The following ZNF69 variants were observed in gnomAD, a reference collection of about 807,000 sequenced individuals.
The protein encoded by ZNF69 is zinc finger protein 69.
A neutral mutation model predicts 50.9 loss-of-function variants in ZNF69; 47 were observed. That is an observed-to-expected ratio of 0.92 (90% CI 0.73 to 1.18). The LOEUF (loss-of-function observed/expected upper bound fraction) is 1.18. Ranked by LOEUF, ZNF69 falls within the 50% of genes most tolerant of loss-of-function variation. The pLI is 0.00. For missense variants in ZNF69, 717 were observed against 675.1 expected, an observed-to-expected ratio of 1.06 and a Z score of -0.69; for synonymous variants, 216 against 223.1, an observed-to-expected ratio of 0.97 and a Z score of 0.29.
chr19:11,974,005 G>A, the ZNF69 span, among the ~76,000 whole-genome samples: 1 of 151,910 alleles, frequency 6.6e-6, no homozygotes, highest in African/African-American at 2.4e-5. Context: ...TTGGGATTTA[G>A]GCTACCCCAC....
chr19:11,974,114 TTTCTTTCTTTCTTTTC>T, the ZNF69 span, among the ~76,000 whole-genome samples: 240 of 84,976 alleles, frequency 2.8e-3, 1 homozygote, highest in Non-Finnish European at 3.3e-3. Flanking sequence ...TCTTTCTTTC[TTTCTTTCTTTCTTTTC>T]TTTCTTTCTT....
the ZNF69 span, chr19:11,925,321 G>A: frequency 3.1e-6 from 5 of 1,602,432 alleles, no homozygotes; most frequent in South Asian, 1.1e-5. Context: ...GGGCTGCCTG[G>A]AACAGGCGGG....
At chr19:11,933,239 A>G in the ZNF69 span, among the ~76,000 whole-genome samples, 1 of 145,516 alleles carries the variant, frequency 6.9e-6, no homozygotes, top group Non-Finnish European at 1.5e-5. Flanking sequence ...GCAACATAGC[A>G]AGGCCCTGTT....
At chr19:11,919,050 C>T (rs1972544941), downstream of ZNF69, among the ~76,000 whole-genome samples, 1 of 152,016 alleles carries the variant, frequency 6.6e-6, no homozygotes, top group South Asian at 2.1e-4. Flanking sequence ...CGCCCGCCAC[C>T]ACGCCCGGCT....
At chr19:11,958,789 G>A in the ZNF69 span, among the ~76,000 whole-genome samples, 3 of 152,216 alleles carry the variant, frequency 2.0e-5, no homozygotes, top group Non-Finnish European at 4.4e-5. Context: ...GCCTACCTGA[G>A]CTGCCTCCGT....
intron 1 of ZNF69, among the ~76,000 whole-genome samples, chr19:11,889,751 C>G (rs1024877778): frequency 2.6e-5 from 4 of 152,176 alleles, no homozygotes; most frequent in Non-Finnish European, 5.9e-5. Flanking sequence ...GCTCAACATG[C>G]GAGGACCTGC....
chr19:11,973,011 G>A, the ZNF69 span, among the ~76,000 whole-genome samples: 11 of 151,922 alleles, frequency 7.2e-5, no homozygotes, highest in Non-Finnish European at 1.3e-4. Flanking sequence ...ATGTGAACAC[G>A]ATGGAAATTG....
At chr19:11,955,386 T>G in the ZNF69 span, among the ~76,000 whole-genome samples, 1 of 148,924 alleles carries the variant, frequency 6.7e-6, no homozygotes, top group African/African-American at 2.6e-5. Context: ...TGATTTCTTT[T>G]TCTTTCTTTC....
chr19:11,928,731 CAAA>C, the ZNF69 span, among the ~76,000 whole-genome samples: 8,797 of 53,270 alleles, frequency 0.17, 947 homozygotes, highest in African/African-American at 0.38. Flanking sequence ...GACTCCGTCT[CAAA>C]AAAAAAAAAA....
chr19:11,921,691 C>G, the ZNF69 span, among the ~76,000 whole-genome samples: 1 of 151,940 alleles, frequency 6.6e-6, no homozygotes, highest in African/African-American at 2.4e-5. Context: ...TTAGTAGAGA[C>G]AGGGTTTCAC....
the ZNF69 span, among the ~76,000 whole-genome samples, chr19:11,936,344 C>T: frequency 6.6e-6 from 1 of 152,158 alleles, no homozygotes; most frequent in African/African-American, 2.4e-5. Context: ...TCCTCTCCAG[C>T]ACCTGTTGTT....
intron 1 of ZNF69, among the ~76,000 whole-genome samples, chr19:11,896,158 G>A (rs1599347979): frequency 6.9e-6 from 1 of 145,390 alleles, no homozygotes; most frequent in South Asian, 2.2e-4. Flanking sequence ...GATGGAGGTT[G>A]CAGTGAGCCG....
At chr19:11,911,216 C>T (rs1406180989), downstream of ZNF69, among the ~76,000 whole-genome samples, 1 of 152,218 alleles carries the variant, frequency 6.6e-6, no homozygotes, top group Non-Finnish European at 1.5e-5. Flanking sequence ...CACTTTTACA[C>T]TGTTGGTGGG....
At chr19:11,919,481 A>G in the ZNF69 span, among the ~76,000 whole-genome samples, 2 of 151,800 alleles carry the variant, frequency 1.3e-5, no homozygotes, top group Non-Finnish European at 2.9e-5. Flanking sequence ...CTTGGAGGCC[A>G]GGTGTGGTGG....
chr19:11,949,115 G>T, the ZNF69 span: 2 of 1,612,260 alleles, frequency 1.2e-6, no homozygotes, highest in African/African-American at 2.7e-5. Flanking sequence ...CCTTATAAAT[G>T]TAAGATATGT....
chr19:11,960,038 C>CT, the ZNF69 span, among the ~76,000 whole-genome samples: 2,953 of 132,144 alleles, frequency 0.022, 71 homozygotes, highest in African/African-American at 0.063. Context: ...TTTTTTTTTT[C>CT]TTTTTTTTTT....
chr19:11,954,221 G>A, the ZNF69 span, among the ~76,000 whole-genome samples: 1 of 152,120 alleles, frequency 6.6e-6, no homozygotes, highest in Admixed American at 6.6e-5. Context: ...ATGTGGCATG[G>A]CCAAAAAATC....
At chr19:11,945,856 A>G in the ZNF69 span, among the ~76,000 whole-genome samples, 1 of 152,122 alleles carries the variant, frequency 6.6e-6, no homozygotes, top group Non-Finnish European at 1.5e-5. Context: ...GAAGTCGGGC[A>G]TGTACAAGAA....
At chr19:11,917,498 T>C (rs1043061784), downstream of ZNF69, among the ~76,000 whole-genome samples, 9 of 152,188 alleles carry the variant, frequency 5.9e-5, no homozygotes, top group Admixed American at 5.9e-4. Flanking sequence ...CTTGAAAATG[T>C]GTAACTATTG....
Sources: gnomAD v4.1 joint callset for allele counts (sites outside exome capture counted in the v4.1 genomes callset) on GRCh38, gnomAD v4.1.1 for gene constraint, MANE v1.5 for transcripts, NCBI Gene and HGNC (gene_info 2026-07-23, HGNC 2026-07-21) for gene names.